The following GBF1 variants were observed in gnomAD, a reference collection of about 807,000 sequenced individuals.
GBF1 encodes golgi brefeldin A resistant guanine nucleotide exchange factor 1, also known as Golgi-specific brefeldin A-resistance guanine nucleotide exchange factor 1.
A neutral mutation model predicts 210.5 loss-of-function variants in GBF1; 114 were observed. The observed-to-expected ratio is 0.54, with a 90% confidence interval of 0.47 to 0.63. The LOEUF is 0.63. Among genes scored for constraint, GBF1 ranks in the 30% least tolerant of loss-of-function variants. The pLI, the probability that GBF1 is intolerant of heterozygous loss-of-function variation, is 0.00. For missense variants in GBF1, 1,851 were observed against 2,357.7 expected (o/e 0.79, Z 4.45); for synonymous variants, 850 against 889.2 (o/e 0.96, Z 0.78).
In GBF1 at chr10:102,366,585, T is replaced by A; in HGVS notation, c.2433+79T>A. On this transcript the variant is annotated intron_variant, in intron 19 of 39. Coordinates refer to ENST00000369983, the MANE Select transcript of GBF1 (RefSeq NM_001377137.1). The surrounding 1 kb of genome is among the most constrained non-coding windows in gnomAD (Gnocchi z 4.0). ...GGCTGAAGAATCCAGCTGCTGTCTC[T>A]TTTTTTTTTTTTTTTTTTTGAGACA... 92 of 76,630 alleles carry A rather than the reference T, an allele frequency of 1.2e-3. No homozygotes were observed. The highest frequency in any genetic ancestry group is 2.1e-3 in the Non-Finnish European group (85 of 40,330). 4.7% of individuals were successfully genotyped at this position (76,630 alleles called of 1,614,324 possible).
At chr10:102,231,969 G>A in the GBF1 span, 1 of 1,608,584 alleles carries the variant, frequency 6.2e-7, no homozygotes, top group African/African-American at 1.3e-5. Context: ...TTACCGCTGT[G>A]CTCCTGGCCC....
chr10:102,257,413 A>G lies in GBF1; in HGVS notation c.-10-1516A>G, dbSNP rs189701849. On this transcript the variant is annotated intron_variant, in intron 1 of 39. Coordinates refer to ENST00000369983, the MANE Select transcript of GBF1 (RefSeq NM_001377137.1). ...AGCCTCGAACTCCTGAGCTCAAGTG[A>G]TCCTCCCGCCTCAGCCTCCCCAGTA... is the stretch of plus-strand genomic sequence containing the variant. 2.6e-5 allele frequency among the ~76,000 whole-genome samples: 4 copies of G among 152,186 alleles called. No individual in the cohort carries two copies. In the East Asian group the frequency reaches 7.7e-4, roughly 29 times the overall value.
In GBF1 at chr10:102,379,873, C is replaced by G; in HGVS notation, c.4797C>G (p.Thr1599=). Residue 1599 remains threonine (T), a synonymous_variant, in exon 36 of 40, where the codon ACC becomes ACG. Coordinates refer to ENST00000369983, the MANE Select transcript of GBF1 (RefSeq NM_001377137.1). ...ACCAGGTGCTGTTTCCTCTACTTACCAAGCTCTTGGAGAACATCAGCCCTG... is the reference window on the plus strand; with the variant it reads ...ACCAGGTGCTGTTTCCTCTACTTACGAAGCTCTTGGAGAACATCAGCCCTG... ...CFNKVLFPLL[T]KLLENISPAD... is the part of the protein sequence containing the mutation. The G allele has an allele frequency of 6.2e-7, 1 of 1,613,276 alleles. No individual in the cohort carries two copies. Among genetic ancestry groups the G allele is most frequent in the African/African-American group, 1.3e-5 (1 of 75,004 alleles).
chr10:102,276,991 C>CAT (rs780338888), intron 3 of GBF1, among the ~76,000 whole-genome samples: 4 of 151,284 alleles, frequency 2.6e-5, no homozygotes, highest in Non-Finnish European at 5.9e-5. Flanking sequence ...CACACACACA[C>CAT]ATGCACACAC....
intron 3 of GBF1, among the ~76,000 whole-genome samples, chr10:102,319,376 A>AT (rs1454023327): frequency 6.6e-6 from 1 of 151,748 alleles, no homozygotes; most frequent in Non-Finnish European, 1.5e-5. Context: ...CCTGTCTCTA[A>AT]AAAAAAAGAT....
chr10:102,374,731 A>G (rs1308345594), intron 29 of GBF1, among the ~76,000 whole-genome samples: 2 of 152,258 alleles, frequency 1.3e-5, no homozygotes, highest in Non-Finnish European at 2.9e-5. Context: ...GGAAATCTGA[A>G]TAAGATCAGA....
In GBF1 at chr10:102,327,313, T is replaced by A. The variant is rs568017914; in HGVS notation, c.164-16738T>A. Among the ~76,000 whole-genome samples the A allele has an allele frequency of 2.0e-5, 3 of 152,270 alleles. No individual in the cohort carries two copies. In the South Asian group the frequency reaches 6.2e-4, roughly 32 times the overall value. On this transcript the variant is annotated intron_variant, in intron 3 of 39. Transcript: ENST00000369983. Reference sequence around the variant, plus strand: ...TTAGGGGAGGAAAATATAGAGCTGGTGGAGAGGGGAGGGGTGTGCAGCAAC... The same window carrying A: ...TTAGGGGAGGAAAATATAGAGCTGGAGGAGAGGGGAGGGGTGTGCAGCAAC...
At chr10:102,380,748 C>A in intron 38 of GBF1, 62 bp downstream of exon 38, 1 of 1,371,472 alleles carries the variant, frequency 7.3e-7, no homozygotes, top group African/African-American at 1.4e-5. Context: ...TGGCTCACAC[C>A]TCTAATCCCA....
intron 38 of GBF1, 95 bp downstream of exon 38, chr10:102,380,781 G>A: frequency 2.9e-6 from 3 of 1,048,952 alleles, no homozygotes; most frequent in Non-Finnish European, 4.2e-6. Flanking sequence ...GCCGAGGTGG[G>A]TGGATCACCC....
intron 8 of GBF1, among the ~76,000 whole-genome samples, chr10:102,354,622 T>C (rs1397075313): frequency 6.6e-6 from 1 of 152,186 alleles, no homozygotes; most frequent in African/African-American, 2.4e-5. Context: ...TGATTGTAGC[T>C]TTGCAGTGTT....
At chr10:102,381,380 G>A in intron 39 of GBF1, 125 bp downstream of exon 39, 1 of 892,602 alleles carries the variant, frequency 1.1e-6, no homozygotes, top group Non-Finnish European at 1.7e-6. Context: ...GGCCACTAGA[G>A]AGAACTGTTG....
chr10:102,376,460 GTC>G, intron 31 of GBF1, 28 bp downstream of exon 31: 1 of 1,613,592 alleles, frequency 6.2e-7, no homozygotes, highest in Non-Finnish European at 8.5e-7. Context: ...CAGCAATTGA[GTC>G]TCTCCTGCTT....
chr10:102,350,728 T>TG (rs779240997), intron 4 of GBF1, among the ~76,000 whole-genome samples: 1 of 152,192 alleles, frequency 6.6e-6, no homozygotes, highest in Non-Finnish European at 1.5e-5. Context: ...CTTTGTGGTA[T>TG]GGGTCCAGCA....
At chr10:102,320,067 T>C (rs2134141920) in intron 3 of GBF1, among the ~76,000 whole-genome samples, 1 of 152,260 alleles carries the variant, frequency 6.6e-6, no homozygotes, top group East Asian at 1.9e-4. Context: ...TTTTTTATTT[T>C]TTATTTTTTA....
intron 3 of GBF1, among the ~76,000 whole-genome samples, chr10:102,301,446 C>T (rs1318026417): frequency 3.9e-5 from 6 of 152,216 alleles, no homozygotes; most frequent in Admixed American, 1.3e-4. Context: ...CTTTTCTATT[C>T]GACAAAACCG....
chr10:102,287,344 C>CTTTTTTTTTTTTTTTTTTTTTTTTTTT (rs763880492), intron 3 of GBF1, among the ~76,000 whole-genome samples: 6 of 69,524 alleles, frequency 8.6e-5, no homozygotes, highest in South Asian at 6.6e-4. Context: ...ATTTTATTTT[C>CTTTTTTTTTTTTTTTTTTTTTTTTTTT]TTTTTTTTTT....
chr10:102,360,507 C>T, intron 12 of GBF1, 112 bp downstream of exon 12: 1 of 711,216 alleles, frequency 1.4e-6, no homozygotes, highest in Non-Finnish European at 2.4e-6. Flanking sequence ...ATCTCCCTCC[C>T]AGTTGGCTAG....
chr10:102,360,163 TCTC>T lies in GBF1; in HGVS notation c.1181-15_1181-13del, dbSNP rs1376716039. The T allele has an allele frequency of 6.5e-7, 1 of 1,539,644 alleles. No individual in the cohort carries two copies. The highest frequency in any genetic ancestry group is 1.1e-5 in the South Asian group (1 of 89,584). The stretch of plus-strand genomic sequence containing the variant: ...ACTAGTTGTTTTATAGCAGTCTCAC[TCTC>T]CTCCTGGCCTTCCCCAGGCACAGCT... On this transcript the variant is annotated intron_variant, in intron 11 of 39. Transcript: ENST00000369983.
intron 3 of GBF1, among the ~76,000 whole-genome samples, chr10:102,343,120 C>T (rs974063016): frequency 2.0e-5 from 3 of 152,134 alleles, no homozygotes; most frequent in East Asian, 1.9e-4. Context: ...GGAAACAGGC[C>T]GGACAGTGGT....
Sources: gnomAD v4.1 joint callset for allele counts (sites outside exome capture counted in the v4.1 genomes callset) on GRCh38, gnomAD v4.1.1 for gene constraint, Gnocchi (gnomAD v3.1) non-coding constraint, MANE v1.5 for transcripts, NCBI Gene and HGNC (gene_info 2026-07-23, HGNC 2026-07-21) for gene names.